SAMMSON: variants seen among roughly 807,000 people sequenced by gnomAD.
SAMMSON encodes the protein long intergenic non-protein coding RNA 1212.
chr3:70,012,782 G>A lies in SAMMSON; in HGVS notation n.264+184G>A, dbSNP rs2066963376. On this transcript the variant is annotated intron_variant and non_coding_transcript_variant, in intron 2 of 9. Transcript: ENST00000642114. The stretch of plus-strand genomic sequence containing the variant: ...TAGAAGGTGCAACTTTGAGTGTGAT[G>A]TAGAGAATGGTGAGGCTTTGCTGTG... 1.3e-5 allele frequency among the ~76,000 whole-genome samples: 2 copies of A among 152,146 alleles called. 1 individual carries two copies. Among genetic ancestry groups the A allele is most frequent in the South Asian group, 4.1e-4 (2 of 4,822 alleles).
At chr3:70,112,104 G>A (rs373219561) in intron 4 of SAMMSON, among the ~76,000 whole-genome samples, 2 of 152,192 alleles carry the variant, frequency 1.3e-5, no homozygotes, top group African/African-American at 4.8e-5. Flanking sequence ...CTCCGAAGCA[G>A]GGTAAGCAAA....
At chr3:70,054,760 A>G (rs2067160993) in intron 3 of SAMMSON, among the ~76,000 whole-genome samples, 1 of 152,068 alleles carries the variant, frequency 6.6e-6, no homozygotes, top group Admixed American at 6.6e-5. Flanking sequence ...AGTGATGAGG[A>G]CTGTGGTCAG....
At chr3:70,334,163 T>C (rs988995109) in intron 7 of SAMMSON, among the ~76,000 whole-genome samples, 1 of 152,184 alleles carries the variant, frequency 6.6e-6, no homozygotes, top group Non-Finnish European at 1.5e-5. Context: ...GAAGATAACA[T>C]AGTTATGCAA....
intron 7 of SAMMSON, among the ~76,000 whole-genome samples, chr3:70,303,698 C>T (rs1054627786): frequency 6.6e-6 from 1 of 151,888 alleles, no homozygotes; most frequent in Non-Finnish European, 1.5e-5. Context: ...TTTTATTTTT[C>T]TGAGGTGGAG....
At chr3:70,411,821 A>G (rs1285471656) in intron 2 of SAMMSON, among the ~76,000 whole-genome samples, 1 of 152,182 alleles carries the variant, frequency 6.6e-6, no homozygotes, top group Non-Finnish European at 1.5e-5. Context: ...CTGTGAGTCC[A>G]TTAAACCTCT....
At chr3:70,253,061 C>A (rs527360650) in intron 6 of SAMMSON, among the ~76,000 whole-genome samples, 11 of 150,710 alleles carry the variant, frequency 7.3e-5, no homozygotes, top group African/African-American at 2.7e-4. Context: ...GCCTGGGGGA[C>A]AAGAGTGAGA....
At chr3:70,200,591 ACTCTCACAGCAAT>A (rs1701227610) in intron 4 of SAMMSON, among the ~76,000 whole-genome samples, 1 of 152,056 alleles carries the variant, frequency 6.6e-6, no homozygotes, top group Non-Finnish European at 1.5e-5. Flanking sequence ...CCTTGCTGAA[ACTCTCACAGCAAT>A]CTGTTTTATT....
chr3:70,082,298 G>A (rs1018315823), intron 4 of SAMMSON, among the ~76,000 whole-genome samples: 2 of 152,152 alleles, frequency 1.3e-5, no homozygotes, highest in Admixed American at 1.3e-4. Context: ...AACAAATAAT[G>A]TCGATATAAT....
Position 70,016,899 on chromosome 3 carries a change from A to G in SAMMSON, n.417+3227A>G, listed in dbSNP as rs1009954276. Among the ~76,000 whole-genome samples, 3 of 152,086 alleles carry G rather than the reference A, an allele frequency of 2.0e-5. No homozygotes were observed. The South Asian group carries it at 6.2e-4, about 31-fold the overall frequency. ...TTTGTCAAAGATCAGATGGTTGTAGATATGCGGCATTATTTCTAAGGGCTC... is the reference window on the plus strand; with the variant it reads ...TTTGTCAAAGATCAGATGGTTGTAGGTATGCGGCATTATTTCTAAGGGCTC... On this transcript the variant is annotated intron_variant and non_coding_transcript_variant, in intron 3 of 9. Transcript: ENST00000642114.
chr3:70,073,700 C>T (rs1049181842), intron 4 of SAMMSON, among the ~76,000 whole-genome samples: 1 of 151,570 alleles, frequency 6.6e-6, no homozygotes, highest in African/African-American at 2.4e-5. Flanking sequence ...CTTTATTTTC[C>T]AAACAGAATT....
rs1300439774 is a variant in SAMMSON, at chr3:70,338,231, A to G, written n.740-15944A>G. On this transcript the variant is annotated intron_variant and non_coding_transcript_variant, in intron 7 of 9. Coordinates refer to ENST00000642114, the Ensembl canonical transcript of SAMMSON. ...CTCTCTGATGCCCTATTTTCTCATA[A>G]TCATAATTAGATACAGATATCTTTA... Among the ~76,000 whole-genome samples, 4 of 152,068 alleles carry G rather than the reference A, an allele frequency of 2.6e-5. No homozygotes were observed. The East Asian group carries it at 5.8e-4, about 22-fold the overall frequency.
At chr3:70,041,691 A>G (rs1197903849) in intron 3 of SAMMSON, among the ~76,000 whole-genome samples, 3 of 152,114 alleles carry the variant, frequency 2.0e-5, no homozygotes, top group Non-Finnish European at 1.5e-5. Context: ...ATACACTATA[A>G]CAACAATTTC....
At chr3:70,303,489 G>T (rs1429837086) in intron 7 of SAMMSON, among the ~76,000 whole-genome samples, 1 of 152,134 alleles carries the variant, frequency 6.6e-6, no homozygotes, top group Non-Finnish European at 1.5e-5. Flanking sequence ...ACCAGAACTA[G>T]ATTAGTTCCT....
At chr3:70,232,425 T>TG (rs1701569504) in intron 4 of SAMMSON, among the ~76,000 whole-genome samples, 1 of 151,368 alleles carries the variant, frequency 6.6e-6, no homozygotes, top group South Asian at 2.1e-4. Flanking sequence ...TTTCTTGCGA[T>TG]GGAGTCTCGC....
intron 4 of SAMMSON, among the ~76,000 whole-genome samples, chr3:70,152,278 C>A (rs1332605711): frequency 1.3e-5 from 2 of 151,898 alleles, no homozygotes; most frequent in Non-Finnish European, 2.9e-5. Flanking sequence ...TGGCTTTGAG[C>A]ATTGACAGTC....
chr3:70,190,427 T>G (rs1451889233), intron 4 of SAMMSON, among the ~76,000 whole-genome samples: 1 of 152,204 alleles, frequency 6.6e-6, no homozygotes, highest in African/African-American at 2.4e-5. Flanking sequence ...TTTCATCTGC[T>G]CCTTAATAAA....
intron 4 of SAMMSON, among the ~76,000 whole-genome samples, chr3:70,096,220 C>G (rs552271894): frequency 3.9e-5 from 6 of 152,262 alleles, no homozygotes; most frequent in African/African-American, 1.4e-4. Context: ...GCCTCTTCTA[C>G]TTGGTCACTT....
chr3:70,144,540 A>C (rs7432808), intron 4 of SAMMSON, among the ~76,000 whole-genome samples: 150,386 of 152,266 alleles, frequency 0.99, 74,291 homozygotes, highest in East Asian at 1. Context: ...ACTTTATCTA[A>C]AATGTCCTCC....
intron 4 of SAMMSON, among the ~76,000 whole-genome samples, chr3:70,149,033 CA>C (rs1559523478): frequency 6.6e-6 from 1 of 152,046 alleles, no homozygotes; most frequent in Non-Finnish European, 1.5e-5. Flanking sequence ...TCACAAAGAA[CA>C]AGTTCCATCA....
Sources: gnomAD v4.1 joint callset for allele counts (sites outside exome capture counted in the v4.1 genomes callset) on GRCh38, gnomAD v4.1.1 for gene constraint, MANE v1.5 for transcripts, NCBI Gene and HGNC (gene_info 2026-07-23, HGNC 2026-07-21) for gene names.